The following SLC41A3 variants were observed in gnomAD, a reference collection of about 807,000 sequenced individuals.
SLC41A3 encodes the protein SLC41A1-like 2.
Under a neutral mutation model 45.4 loss-of-function variants are expected in SLC41A3, and 44 were observed. The observed-to-expected ratio is 0.97, with a 90% CI of 0.76 to 1.25. The LOEUF (loss-of-function observed/expected upper bound fraction) is 1.25, where lower values mean the gene tolerates loss of function less well. SLC41A3 is among the 50% of genes most tolerant of loss of function. SLC41A3 has a pLI of 0.00. For synonymous variants in SLC41A3, 256 were observed against 252.4 expected (o/e 1.01, Z -0.13); for missense variants, 550 against 600.6 (o/e 0.92, Z 0.88).
At chr3:126,010,262 C>T (rs879332622) in intron 9 of SLC41A3, among the ~76,000 whole-genome samples, 6 of 152,214 alleles carry the variant, frequency 3.9e-5, no homozygotes, top group Non-Finnish European at 7.3e-5. Context: ...CAGTTGAGGT[C>T]GGGAGTTCGA....
At chr3:126,059,908 C>T (rs917236903) in intron 2 of SLC41A3, among the ~76,000 whole-genome samples, 2 of 152,194 alleles carry the variant, frequency 1.3e-5, no homozygotes, top group African/African-American at 2.4e-5. Flanking sequence ...GTGATCACTT[C>T]CTTCAGGTGT....
Position 126,033,447 on chromosome 3 carries a change from G to A in SLC41A3, c.453+160C>T, listed in dbSNP as rs191380747. On this transcript the variant is annotated intron_variant, in intron 4 of 10. Coordinates refer to ENST00000360370, the MANE Select transcript of SLC41A3 (RefSeq NM_017836.4). ...GGTGGGCTGAGCCTCCAGAAGCTGC[G>A]TGAATGTGGTCTATTGGATGTGGGA... Among the ~76,000 whole-genome samples, 6 of 152,210 alleles carry A rather than the reference G, an allele frequency of 3.9e-5. No homozygotes were observed. In the East Asian group the frequency reaches 7.8e-4, roughly 20 times the overall value.
At chr3:126,024,375 TCTC>T (rs1486188787) in intron 5 of SLC41A3, 2 of 152,262 alleles carry the variant, frequency 1.3e-5, no homozygotes, top group East Asian at 3.9e-4. Context: ...GGACTGTTCT[TCTC>T]TGGAAAGTCT....
At chr3:126,095,330 C>T (rs980151271) in intron 1 of SLC41A3, 11 of 582,898 alleles carry the variant, frequency 1.9e-5, no homozygotes, top group Non-Finnish European at 3.3e-5. Context: ...AGGACCCCAA[C>T]TGTCACAAGC....
chr3:126,023,277 G>A (rs1188051804), intron 5 of SLC41A3: 2 of 217,172 alleles, frequency 9.2e-6, no homozygotes, highest in Non-Finnish European at 1.8e-5. Flanking sequence ...CATGAGGGCT[G>A]CTCCAAAGAT....
At chr3:126,046,683 T>A (rs1942979885) in intron 3 of SLC41A3, among the ~76,000 whole-genome samples, 1 of 152,182 alleles carries the variant, frequency 6.6e-6, no homozygotes. Flanking sequence ...AATACTAGGC[T>A]GGGCATGGTG....
chr3:126,077,032 C>T (rs1418750318), intron 1 of SLC41A3, among the ~76,000 whole-genome samples: 1 of 152,188 alleles, frequency 6.6e-6, no homozygotes, highest in African/African-American at 2.4e-5. Context: ...GATTATTTTT[C>T]CAATTACAAA....
chr3:126,015,353 G>A, intron 8 of SLC41A3, 141 bp downstream of exon 8: 1 of 756,816 alleles, frequency 1.3e-6, no homozygotes. Context: ...TCCCTGTAAG[G>A]CAGCAGTCTG....
intron 3 of SLC41A3, among the ~76,000 whole-genome samples, chr3:126,038,296 C>T (rs1386933790): frequency 3.3e-5 from 5 of 152,236 alleles, no homozygotes; most frequent in Non-Finnish European, 7.3e-5. Context: ...CACCACCCTC[C>T]ATACCCTAGA....
chr3:126,084,626 A>G (rs184185250), upstream of SLC41A3, among the ~76,000 whole-genome samples: 233 of 152,300 alleles, frequency 1.5e-3, no homozygotes, highest in South Asian at 2.3e-3. Flanking sequence ...ATACTCGAGT[A>G]TGTTTAATCA....
At chr3:126,069,060 C>T (rs1944491113) in intron 1 of SLC41A3, among the ~76,000 whole-genome samples, 1 of 147,856 alleles carries the variant, frequency 6.8e-6, no homozygotes, top group African/African-American at 2.5e-5. Context: ...ACACTCTGGG[C>T]ATCTATTAGG....
intron 3 of SLC41A3, among the ~76,000 whole-genome samples, chr3:126,046,276 GT>G (rs2107848517): frequency 6.6e-6 from 1 of 151,956 alleles, no homozygotes; most frequent in South Asian, 2.1e-4. Flanking sequence ...AAAGTAAAAG[GT>G]GTACAAATTA....
At chr3:126,009,007 C>A in intron 9 of SLC41A3, 127 bp from the exon 10 acceptor site, 1 of 1,151,764 alleles carries the variant, frequency 8.7e-7, no homozygotes, top group East Asian at 2.5e-5. Flanking sequence ...GACACCTACT[C>A]TGTGGCAAGC....
intron 10 of SLC41A3, among the ~76,000 whole-genome samples, chr3:126,007,860 G>A (rs898450708): frequency 1.4e-4 from 21 of 152,142 alleles, no homozygotes; most frequent in Non-Finnish European, 2.6e-4. Context: ...GCCCTCCAGC[G>A]CCCACGGTGC....
chr3:126,060,249 T>A (rs777435574), intron 2 of SLC41A3, among the ~76,000 whole-genome samples: 46 of 151,686 alleles, frequency 3.0e-4, no homozygotes, highest in Non-Finnish European at 2.1e-4. Context: ...AGAAACCCCG[T>A]CTCTACTAAT....
chr3:126,045,041 G>A (rs1395162234), intron 3 of SLC41A3, among the ~76,000 whole-genome samples: 8 of 149,494 alleles, frequency 5.4e-5, no homozygotes, highest in Admixed American at 1.3e-4. Context: ...CAACCAGTGG[G>A]TCCAAAAAAA....
chr3:126,073,064 G>A (rs555630877), intron 1 of SLC41A3: 1 of 152,244 alleles, frequency 6.6e-6, no homozygotes, highest in South Asian at 2.1e-4. Flanking sequence ...CAAACATTGG[G>A]TACACATGCA....
chr3:126,071,586 A>G (rs1360047432), intron 1 of SLC41A3, among the ~76,000 whole-genome samples: 1 of 152,250 alleles, frequency 6.6e-6, no homozygotes, highest in African/African-American at 2.4e-5. Flanking sequence ...CAACAATAGC[A>G]GAATACTCAA....
chr3:126,095,093 CA>C, intron 1 of SLC41A3: 1 of 550,732 alleles, frequency 1.8e-6, no homozygotes, highest in Non-Finnish European at 3.2e-6. Flanking sequence ...AAGCCAGAAG[CA>C]GAACAACTGA....
Sources: allele counts gnomAD v4.1 joint callset (sites outside exome capture counted in the v4.1 genomes callset), GRCh38; gene constraint gnomAD v4.1.1; transcripts MANE v1.5; gene names NCBI Gene and HGNC (gene_info 2026-07-23, HGNC 2026-07-21).